Variants in AHRR observed in about 807,000 individuals in gnomAD.
AHRR encodes ahR repressor.
A neutral mutation model predicts 44.0 loss-of-function variants in AHRR; 28 were observed. That is an observed-to-expected ratio of 0.64 (90% CI 0.47 to 0.87). The LOEUF (loss-of-function observed/expected upper bound fraction) is 0.87. AHRR is among the 40% of genes least tolerant of loss of function. AHRR has a pLI of 0.00. For missense variants in AHRR, 990 were observed against 953.9 expected (o/e 1.04, Z -0.50); for synonymous variants, 434 against 407.0 (o/e 1.07, Z -0.80).
chr5:366,203 C>T (rs1743355667), intron 3 of AHRR, among the ~76,000 whole-genome samples: 2 of 151,990 alleles, frequency 1.3e-5, no homozygotes, highest in Non-Finnish European at 2.9e-5. Context: ...GCTTTTGGGG[C>T]TCTTTCAAGA....
At chr5:414,997 C>T (rs1478448395) in intron 5 of AHRR, among the ~76,000 whole-genome samples, 1 of 152,220 alleles carries the variant, frequency 6.6e-6, no homozygotes, top group Non-Finnish European at 1.5e-5. Flanking sequence ...AACCCCAGCC[C>T]CACTGAGGCT....
intron 1 of AHRR, among the ~76,000 whole-genome samples, chr5:323,478 C>T (rs141060881): frequency 2.6e-4 from 39 of 152,334 alleles, no homozygotes; most frequent in Non-Finnish European, 4.7e-4. Context: ...CTCCGCGAGG[C>T]TTTTCTCTAA....
chr5:352,936 T>A lies in AHRR; in HGVS notation c.63-794T>A, dbSNP rs1197800651. On this transcript the variant is annotated intron_variant, in intron 2 of 10. Coordinates refer to ENST00000684583, the MANE Select transcript of AHRR (RefSeq NM_001377236.1). ...GACGGTCACTCTGAGGTTAAATGGG[T>A]CAGCTGTAGGGGATGGTCACTCTGA... Among the ~76,000 whole-genome samples the A allele has an allele frequency of 2.6e-5, 4 of 151,832 alleles. No homozygotes were observed. The East Asian group carries it at 7.7e-4, about 29-fold the overall frequency.
Position 437,233 on chromosome 5 carries a change from A to G in AHRR, c.*2399A>G, listed in dbSNP as rs1737124788. 6.6e-6 allele frequency: 1 copy of G among 152,320 alleles called. No homozygotes were observed. The highest frequency in any genetic ancestry group is 1.5e-5 in the Non-Finnish European group (1 of 68,038). 9.4% of individuals were successfully genotyped at this position (152,320 alleles called of 1,614,324 possible). A position where few individuals can be genotyped will look rare whatever the true frequency, so the allele number is the denominator to read the frequency against. On this transcript the variant is annotated 3_prime_UTR_variant, in exon 11 of 11. Transcript: ENST00000684583. ...CTGCTGTATCCCTGAAAAAGTCTCA[A>G]TCAACATGCATGTTCCACTCTTGGA...
In AHRR at chr5:434,877, C is replaced by G. The variant is rs1736936183; in HGVS notation, c.*43C>G. 6.6e-7 allele frequency: 1 copy of G among 1,503,806 alleles called. No homozygotes were observed. Among genetic ancestry groups the G allele is most frequent in the Admixed American group, 2.0e-5 (1 of 49,060 alleles). The allele number at this position is 1,503,806 out of a possible 1,614,324, so 93.2% of individuals were successfully genotyped here. A position where few individuals can be genotyped will look rare whatever the true frequency, so the allele number is the denominator to read the frequency against. On this transcript the variant is annotated 3_prime_UTR_variant, in exon 11 of 11. Coordinates refer to ENST00000684583, the MANE Select transcript of AHRR (RefSeq NM_001377236.1). ...AAGCTCAGATCTGTGTGTCTACGCT[C>G]AGATGCGTCGGTGGCTGGGCTGCCC... is the stretch of plus-strand genomic sequence containing the variant.
rs1179429355 is a variant in AHRR at position 364,788 on chromosome 5, G to GT, written c.244+10878dup. 3.9e-5 allele frequency among the ~76,000 whole-genome samples: 6 copies of GT among 152,144 alleles called. No homozygotes were observed. In the East Asian group the frequency reaches 1.2e-3, roughly 29 times the overall value. The stretch of plus-strand genomic sequence containing the variant: ...CTCTAAGGGTACAGAAAGGATGAAA[G>GT]TAAAAGGATGGGAAAGGGTATACTG... On this transcript the variant is annotated intron_variant, in intron 3 of 10. Coordinates refer to ENST00000684583, the MANE Select transcript of AHRR (RefSeq NM_001377236.1).
intron 1 of AHRR, among the ~76,000 whole-genome samples, chr5:343,164 C>T (rs961883101): frequency 6.6e-6 from 1 of 152,026 alleles, no homozygotes; most frequent in African/African-American, 2.4e-5. Context: ...CATGTGGCCC[C>T]GTGTGTCCTC....
Position 435,368 on chromosome 5 carries a change from A to ATAC in AHRR, c.*534_*535insTAC. On this transcript the variant is annotated 3_prime_UTR_variant, in exon 11 of 11. Transcript: ENST00000684583. ...AGCCCATCGCCACAGTGCACTGTAG[A>ATAC]GGCCAGCACACGGCAAATTAGAAAT... 1 of 156,256 alleles carries ATAC rather than the reference A, an allele frequency of 6.4e-6. No homozygotes were observed. Among genetic ancestry groups the ATAC allele is most frequent in the Non-Finnish European group, 1.4e-5 (1 of 70,548 alleles). 9.7% of individuals were successfully genotyped at this position (156,256 alleles called of 1,614,324 possible). A position where few individuals can be genotyped will look rare whatever the true frequency, so the allele number is the denominator to read the frequency against.
At chr5:351,502 A>G (rs1180397517) in intron 2 of AHRR, among the ~76,000 whole-genome samples, 1 of 152,244 alleles carries the variant, frequency 6.6e-6, no homozygotes, top group Admixed American at 6.5e-5. Context: ...AGCCGGCCAC[A>G]GAAGGCCACG....
In AHRR at chr5:368,228, G is replaced by A. The variant is rs79403903; in HGVS notation, c.245-8382G>A. Among the ~76,000 whole-genome samples, 810 of 152,184 alleles carry A rather than the reference G, an allele frequency of 5.3e-3. 7 individuals are homozygous for A. Among genetic ancestry groups the A allele is most frequent in the African/African-American group, 0.019 (773 of 41,490 alleles). On this transcript the variant is annotated intron_variant, in intron 3 of 10. Transcript: ENST00000684583. The stretch of plus-strand genomic sequence containing the variant: ...CAGTGAGGGCTCGGTGCCCTCTTCC[G>A]CAGTAGGAGAGGCCAGTGGGGCTGC...
intron 2 of AHRR, among the ~76,000 whole-genome samples, chr5:347,844 G>A (rs1478734603): frequency 6.6e-6 from 1 of 152,214 alleles, no homozygotes; most frequent in African/African-American, 2.4e-5. Flanking sequence ...CCTCTCCTGC[G>A]GTGGGGGCCC....
At chr5:421,853 T>G (rs1560920196) in intron 5 of AHRR, among the ~76,000 whole-genome samples, 1 of 152,186 alleles carries the variant, frequency 6.6e-6, no homozygotes, top group Non-Finnish European at 1.5e-5. Context: ...GTTAGTTACA[T>G]TCCTCTGAAG....
At chr5:374,322 T>C (rs1389660794) in intron 3 of AHRR, among the ~76,000 whole-genome samples, 2 of 152,248 alleles carry the variant, frequency 1.3e-5, no homozygotes, top group African/African-American at 4.8e-5. Flanking sequence ...CCTCTTGCCC[T>C]GGCTTCTCCT....
intron 8 of AHRR, 113 bp from the exon 9 acceptor site, chr5:432,350 C>A: frequency 1.0e-6 from 1 of 966,632 alleles, no homozygotes; most frequent in Non-Finnish European, 1.7e-6. Context: ...CTTCACTGCT[C>A]AGGTGTGACA....
chr5:382,231 T>G (rs1369265960), intron 4 of AHRR, among the ~76,000 whole-genome samples: 1 of 152,248 alleles, frequency 6.6e-6, no homozygotes, highest in Non-Finnish European at 1.5e-5. Context: ...GAAGACATTG[T>G]GTAGAATTGG....
chr5:346,067 C>T (rs1187740443), intron 2 of AHRR, among the ~76,000 whole-genome samples: 1 of 152,154 alleles, frequency 6.6e-6, no homozygotes, highest in Admixed American at 6.5e-5. Context: ...ATGCCTGGGG[C>T]CAGGCACACA....
At chr5:398,402 T>C (rs75923617) in intron 4 of AHRR, among the ~76,000 whole-genome samples, 5 of 133,106 alleles carry the variant, frequency 3.8e-5, no homozygotes, top group African/African-American at 1.1e-4. Flanking sequence ...AGCCCCTGAC[T>C]GTCCACCTTA....
intron 3 of AHRR, among the ~76,000 whole-genome samples, chr5:375,084 G>A (rs2126439797): frequency 6.6e-6 from 1 of 152,332 alleles, no homozygotes; most frequent in South Asian, 2.1e-4. Flanking sequence ...GGGAGCAGGA[G>A]CCAGTGACCC....
chr5:428,277 C>G (rs1288936499), intron 8 of AHRR, among the ~76,000 whole-genome samples: 5 of 152,240 alleles, frequency 3.3e-5, no homozygotes, highest in African/African-American at 1.2e-4. Context: ...GAATAAGTGT[C>G]CTGACCCCGT....
Sources: gnomAD v4.1 joint callset for allele counts (sites outside exome capture counted in the v4.1 genomes callset) on GRCh38, gnomAD v4.1.1 for gene constraint, MANE v1.5 for transcripts, NCBI Gene and HGNC (gene_info 2026-07-23, HGNC 2026-07-21) for gene names.